Variants in SGCG observed in about 807,000 individuals in gnomAD.
SGCG encodes sarcoglycan gamma, also known as gamma-sarcoglycan.
In SGCG, 26 loss-of-function variants were observed where a neutral mutation model predicts 29.3. The observed-to-expected ratio is 0.89, with a 90% CI of 0.65 to 1.23. The LOEUF is 1.23. Among genes scored for constraint, SGCG ranks in the 50% most tolerant of loss-of-function variants. The pLI, the probability that SGCG is intolerant of heterozygous loss-of-function variation, is 0.00. For missense variants in SGCG, 353 were observed against 356.0 expected (o/e 0.99, Z 0.07); for synonymous variants, 145 against 129.7 (o/e 1.12, Z -0.80).
intron 2 of SGCG, among the ~76,000 whole-genome samples, chr13:23,212,005 T>A (rs1039795502): frequency 2.0e-5 from 3 of 152,164 alleles, no homozygotes; most frequent in Non-Finnish European, 4.4e-5. Context: ...GTTGTCCTGA[T>A]AGAGTTATCA....
chr13:23,205,612 C>T (rs757372427), intron 2 of SGCG, among the ~76,000 whole-genome samples: 1 of 152,062 alleles, frequency 6.6e-6, no homozygotes, highest in Non-Finnish European at 1.5e-5. Flanking sequence ...ATACTCTTGT[C>T]ATGTAGCATG....
chr13:23,235,099 T>C (rs1879257289), intron 3 of SGCG, among the ~76,000 whole-genome samples: 1 of 152,236 alleles, frequency 6.6e-6, no homozygotes, highest in South Asian at 2.1e-4. Flanking sequence ...CTGGGCGCGG[T>C]GGCTCACGCC....
chr13:23,319,640 T>C (rs1408174220), intron 6 of SGCG, among the ~76,000 whole-genome samples: 1 of 152,164 alleles, frequency 6.6e-6, no homozygotes, highest in Admixed American at 6.5e-5. Flanking sequence ...CCACTTCCCT[T>C]TCTCTCTGCT....
rs1436691091 is a variant in SGCG at position 23,200,332 on chromosome 13, A to C, written c.1-3363A>C. ...CAGCTGCTTGGGAGACCGAGGCAGGAGACTCACTTGAAACCCTGGAGGCGG... is the reference window on the plus strand; with the variant it reads ...CAGCTGCTTGGGAGACCGAGGCAGGCGACTCACTTGAAACCCTGGAGGCGG... On this transcript the variant is annotated intron_variant, in intron 1 of 7. Transcript: ENST00000218867. 1.3e-4 allele frequency among the ~76,000 whole-genome samples: 19 copies of C among 144,368 alleles called. No homozygotes were observed. In the Admixed American group the frequency reaches 1.4e-3, roughly 10 times the overall value. 94.7% of individuals were successfully genotyped at this position (144,368 alleles called of 152,430 possible). A position where few individuals can be genotyped will look rare whatever the true frequency, so the allele number is the denominator to read the frequency against.
chr13:23,306,265 G>T (rs1882357522), intron 6 of SGCG, among the ~76,000 whole-genome samples: 1 of 152,056 alleles, frequency 6.6e-6, no homozygotes, highest in African/African-American at 2.4e-5. Flanking sequence ...TGGAGTATTG[G>T]GATGTTCTGG....
At chr13:23,264,090 T>C (rs1385796911) in intron 4 of SGCG, among the ~76,000 whole-genome samples, 1 of 151,948 alleles carries the variant, frequency 6.6e-6, no homozygotes, top group Non-Finnish European at 1.5e-5. Context: ...AGAGTAATCA[T>C]TGCAAGATAA....
chr13:23,204,172 A>G (rs1439016829), intron 2 of SGCG, among the ~76,000 whole-genome samples: 1 of 151,056 alleles, frequency 6.6e-6, no homozygotes, highest in African/African-American at 2.5e-5. Flanking sequence ...TTTGTGGTTG[A>G]TTGAGTCAGG....
chr13:23,282,718 A>G (rs1200674139), intron 5 of SGCG, among the ~76,000 whole-genome samples: 1 of 152,142 alleles, frequency 6.6e-6, no homozygotes, highest in African/African-American at 2.4e-5. Context: ...CCAGTCTGTT[A>G]CTGATGAGCA....
intron 4 of SGCG, among the ~76,000 whole-genome samples, chr13:23,269,826 C>G (rs1305042581): frequency 3.4e-5 from 5 of 147,246 alleles, no homozygotes; most frequent in Non-Finnish European, 6.0e-5. Flanking sequence ...GTAACAATTG[C>G]ATATGTATTT....
chr13:23,260,089 T>G (rs1262179975), intron 4 of SGCG, among the ~76,000 whole-genome samples: 3 of 152,222 alleles, frequency 2.0e-5, no homozygotes, highest in Middle Eastern at 3.2e-3. Flanking sequence ...GTTCAAGTCC[T>G]GGATATCCTT....
chr13:23,315,835 G>T (rs1242730253), intron 6 of SGCG, among the ~76,000 whole-genome samples: 1 of 152,194 alleles, frequency 6.6e-6, no homozygotes, highest in Non-Finnish European at 1.5e-5. Flanking sequence ...TATGTGGATG[G>T]ACCTCTCTGA....
chr13:23,295,030 A>G (rs887304954), intron 5 of SGCG, among the ~76,000 whole-genome samples: 2 of 152,222 alleles, frequency 1.3e-5, no homozygotes. Context: ...CAAATAATAC[A>G]AGATACAATT....
intron 6 of SGCG, among the ~76,000 whole-genome samples, chr13:23,297,731 G>A (rs927879875): frequency 6.6e-6 from 1 of 152,120 alleles, no homozygotes; most frequent in African/African-American, 2.4e-5. Context: ...CTTATGGCCA[G>A]TTTTGGGGCC....
In SGCG at chr13:23,311,866, G is replaced by A. The variant is rs567552258; in HGVS notation, c.579-8771G>A. On this transcript the variant is annotated intron_variant, in intron 6 of 7. Transcript: ENST00000218867. ...TCCTCTGACCTCCAAACCCCCCACC[G>A]TGACCCTTTCTGGACAGATCACTTA... Among the ~76,000 whole-genome samples, 6 of 151,874 alleles carry A rather than the reference G, an allele frequency of 4.0e-5. No individual in the cohort carries two copies. The East Asian group carries it at 1.2e-3, about 29-fold the overall frequency.
chr13:23,193,326 A>G (rs761897024), intron 1 of SGCG, among the ~76,000 whole-genome samples: 39 of 152,192 alleles, frequency 2.6e-4, no homozygotes, highest in Non-Finnish European at 5.3e-4. Flanking sequence ...GTGACTTTAA[A>G]CAGGGCAGCA....
Position 23,283,297 on chromosome 13 carries a change from G to C in SGCG, c.505+3819G>C, listed in dbSNP as rs193271814. Among the ~76,000 whole-genome samples, 189 of 152,290 alleles carry C rather than the reference G, an allele frequency of 1.2e-3. 1 individual carries two copies. Among genetic ancestry groups the C allele is most frequent in the African/African-American group, 4.5e-3 (186 of 41,560 alleles). On this transcript the variant is annotated intron_variant, in intron 5 of 7. Transcript: ENST00000218867. ...AAGAACTTGCTTTATGAGTCTGGGT[G>C]CTCCTGTATTGGGTGCATATATATT...
intron 2 of SGCG, among the ~76,000 whole-genome samples, chr13:23,214,931 C>G (rs1359309280): frequency 1.3e-5 from 2 of 152,032 alleles, no homozygotes; most frequent in Non-Finnish European, 2.9e-5. Context: ...AAAGCTATTC[C>G]AAGTACAGAG....
intron 2 of SGCG, among the ~76,000 whole-genome samples, chr13:23,233,668 A>C (rs903802076): frequency 1.3e-5 from 2 of 152,212 alleles, no homozygotes; most frequent in African/African-American, 2.4e-5. Flanking sequence ...AAAGTGGTTA[A>C]GATGGTAAAA....
At chr13:23,241,729 T>C (rs1162188029) in intron 3 of SGCG, among the ~76,000 whole-genome samples, 2 of 152,128 alleles carry the variant, frequency 1.3e-5, no homozygotes, top group Non-Finnish European at 2.9e-5. Flanking sequence ...AACAAAATAC[T>C]AGCAAACCAA....
Sources: gnomAD v4.1 joint callset for allele counts (sites outside exome capture counted in the v4.1 genomes callset) on GRCh38, gnomAD v4.1.1 for gene constraint, MANE v1.5 for transcripts, NCBI Gene and HGNC (gene_info 2026-07-23, HGNC 2026-07-21) for gene names.